Variants in VEPH1 observed in about 807,000 individuals in gnomAD.
VEPH1 encodes the protein ventricular zone expressed PH domain containing 1.
A neutral mutation model predicts 85.2 loss-of-function variants in VEPH1; 80 were observed. The ratio of observed to expected loss-of-function variants is 0.94; its 90% CI spans 0.78 to 1.13. VEPH1 has a LOEUF of 1.13. Ranked by LOEUF, VEPH1 falls within the 50% of genes most tolerant of loss-of-function variation. The pLI is 0.00. For missense variants in VEPH1, 955 were observed against 980.5 expected (o/e 0.97, Z 0.35); for synonymous variants, 297 against 348.0 (o/e 0.85, Z 1.63).
At chr3:157,428,180 G>A (rs1471044103) in intron 5 of VEPH1, 142 bp downstream of exon 5, 1 of 784,602 alleles carries the variant, frequency 1.3e-6, no homozygotes, top group Non-Finnish European at 1.9e-6. Flanking sequence ...TATACAAACA[G>A]AGTAAGTAGA....
chr3:157,287,674 C>T (rs909038421), intron 11 of VEPH1, among the ~76,000 whole-genome samples: 4 of 151,928 alleles, frequency 2.6e-5, no homozygotes, highest in South Asian at 2.1e-4. Flanking sequence ...AAGTGATTCT[C>T]GTGTGTCAGC....
intron 13 of VEPH1, among the ~76,000 whole-genome samples, chr3:157,262,044 G>T (rs1446966069): frequency 5.3e-5 from 8 of 152,126 alleles, no homozygotes. Context: ...TTGTCTACTA[G>T]AGAAAGTACC....
chr3:157,443,163 A>G, intron 4 of VEPH1: 2 of 685,712 alleles, frequency 2.9e-6, no homozygotes, highest in East Asian at 5.6e-5. Context: ...AGACATTGGA[A>G]AAAGCTTTTG....
At chr3:157,315,798 G>GA (rs1553763216) in intron 10 of VEPH1, 33 of 149,406 alleles carry the variant, frequency 2.2e-4, no homozygotes, top group Admixed American at 2.1e-3. Flanking sequence ...AAGATTTCTT[G>GA]TTTTTTTTTC....
intron 12 of VEPH1, among the ~76,000 whole-genome samples, chr3:157,276,126 T>C (rs1715355890): frequency 6.6e-6 from 1 of 152,194 alleles, no homozygotes; most frequent in Admixed American, 6.5e-5. Flanking sequence ...CTACACAATA[T>C]TGTGGGGACC....
At chr3:157,468,058 G>A (rs181662597) in intron 3 of VEPH1, among the ~76,000 whole-genome samples, 1 of 152,298 alleles carries the variant, frequency 6.6e-6, no homozygotes, top group East Asian at 1.9e-4. Flanking sequence ...GCATGCTTAC[G>A]ATTCTCTGAT....
At chr3:157,470,589 C>T (rs1011060) in intron 2 of VEPH1, 60 bp from the exon 3 acceptor site, 514,773 of 1,533,392 alleles carry the variant, frequency 0.34, 90,788 homozygotes, top group African/African-American at 0.64. Flanking sequence ...CTTCAAAGGA[C>T]AAAATACTAA....
At chr3:157,352,147 C>G (rs531472122) in intron 9 of VEPH1, among the ~76,000 whole-genome samples, 1 of 152,212 alleles carries the variant, frequency 6.6e-6, no homozygotes, top group African/African-American at 2.4e-5. Flanking sequence ...TTTATGGACA[C>G]TGTAGATTTT....
chr3:157,278,320 G>A (rs1454218107), intron 12 of VEPH1, among the ~76,000 whole-genome samples: 2 of 152,214 alleles, frequency 1.3e-5, no homozygotes, highest in Admixed American at 6.5e-5. Context: ...ATTCTTGGTA[G>A]AAGAAAAAGT....
At chr3:157,452,337 G>A (rs1735038124) in intron 4 of VEPH1, among the ~76,000 whole-genome samples, 1 of 152,156 alleles carries the variant, frequency 6.6e-6, no homozygotes, top group African/African-American at 2.4e-5. Flanking sequence ...GGAAGGAGTG[G>A]TGAGATATGA....
chr3:157,347,444 A>G (rs1724352453), intron 9 of VEPH1, among the ~76,000 whole-genome samples: 1 of 152,234 alleles, frequency 6.6e-6, no homozygotes, highest in African/African-American at 2.4e-5. Context: ...CGCCTGCTAC[A>G]TGAAACATGG....
chr3:157,415,673 C>G (rs1444695001), intron 5 of VEPH1, among the ~76,000 whole-genome samples: 1 of 152,176 alleles, frequency 6.6e-6, no homozygotes, highest in Non-Finnish European at 1.5e-5. Context: ...CACATTCAGT[C>G]TCTTGCCCAC....
At chr3:157,308,711 G>A (rs1416381599) in intron 11 of VEPH1, among the ~76,000 whole-genome samples, 1 of 152,040 alleles carries the variant, frequency 6.6e-6, no homozygotes, top group Admixed American at 6.6e-5. Flanking sequence ...AACTTAGGAA[G>A]TATTAACATT....
intron 10 of VEPH1, among the ~76,000 whole-genome samples, chr3:157,315,233 T>C (rs1348543879): frequency 2.0e-5 from 3 of 152,062 alleles, no homozygotes; most frequent in African/African-American, 7.2e-5. Flanking sequence ...ATTTTATTAT[T>C]ATCAAAATAA....
intron 4 of VEPH1, among the ~76,000 whole-genome samples, chr3:157,458,803 T>A (rs1382267669): frequency 1.3e-5 from 2 of 152,186 alleles, no homozygotes; most frequent in African/African-American, 2.4e-5. Context: ...TTTTTGTATA[T>A]GGTGATAGTT....
intron 6 of VEPH1, among the ~76,000 whole-genome samples, chr3:157,403,801 A>G (rs1730945485): frequency 1.3e-5 from 2 of 152,150 alleles, no homozygotes; most frequent in Non-Finnish European, 2.9e-5. Context: ...GTGTCTGGAA[A>G]CATATATGCA....
chr3:157,469,782 G>T (rs1360431395), intron 3 of VEPH1, among the ~76,000 whole-genome samples: 1 of 152,124 alleles, frequency 6.6e-6, no homozygotes, highest in Non-Finnish European at 1.5e-5. Context: ...ACTCATTAGC[G>T]GCTGAGCCAA....
chr3:157,316,973 T>A, intron 10 of VEPH1, 89 bp downstream of exon 10: 5 of 1,404,286 alleles, frequency 3.6e-6, no homozygotes, highest in Non-Finnish European at 4.7e-6. Context: ...ACATATCAAC[T>A]CTGGCCAAAG....
chr3:157,450,019 T>C (rs929153351), intron 4 of VEPH1, among the ~76,000 whole-genome samples: 1 of 151,372 alleles, frequency 6.6e-6, no homozygotes, highest in Non-Finnish European at 1.5e-5. Flanking sequence ...TTGTCTTATT[T>C]TGTCTTAAAA....
Sources: allele counts gnomAD v4.1 joint callset (sites outside exome capture counted in the v4.1 genomes callset), GRCh38; gene constraint gnomAD v4.1.1; transcripts MANE v1.5; gene names NCBI Gene and HGNC (gene_info 2026-07-23, HGNC 2026-07-21).